The following TYW1B variants were observed in gnomAD, a reference collection of about 807,000 sequenced individuals.
TYW1B encodes the protein tRNA-yW synthesizing protein 1 homolog B.
In TYW1B, 73 loss-of-function variants were observed where a neutral mutation model predicts 86.9. That is an observed-to-expected ratio of 0.84 (90% confidence interval 0.70 to 1.02). TYW1B has a LOEUF of 1.02. Among genes scored for constraint, TYW1B ranks in the 50% least tolerant of loss-of-function variants. TYW1B has a pLI of 0.00. For synonymous variants in TYW1B, 248 were observed against 292.8 expected (o/e 0.85, Z 1.56); for missense variants, 637 against 827.4 (o/e 0.77, Z 2.82).
intron 6 of TYW1B, among the ~76,000 whole-genome samples, chr7:72,796,538 C>G (rs1450009774): frequency 6.6e-6 from 1 of 151,610 alleles, no homozygotes; most frequent in African/African-American, 2.4e-5. Context: ...GCCAGGCCAA[C>G]TAATTTTTTT....
chr7:72,581,249 G>T (rs1811143654), intron 13 of TYW1B, among the ~76,000 whole-genome samples: 2 of 136,054 alleles, frequency 1.5e-5, no homozygotes, highest in Admixed American at 1.6e-4. Flanking sequence ...TGAGAGCAGG[G>T]CTGCCATAAT....
chr7:72,579,809 C>T (rs1554429347), intron 13 of TYW1B, among the ~76,000 whole-genome samples: 2 of 152,090 alleles, frequency 1.3e-5, no homozygotes, highest in African/African-American at 4.8e-5. Flanking sequence ...TGTCACCATG[C>T]CCAACTAATT....
chr7:72,687,234 G>A (rs782601124), intron 11 of TYW1B, among the ~76,000 whole-genome samples: 5 of 152,090 alleles, frequency 3.3e-5, no homozygotes, highest in African/African-American at 1.2e-4. Context: ...TCAGGAGTTC[G>A]AGATCAGCCT....
chr7:72,745,206 T>C (rs1219678133), intron 7 of TYW1B, among the ~76,000 whole-genome samples: 1 of 152,066 alleles, frequency 6.6e-6, no homozygotes, highest in Non-Finnish European at 1.5e-5. Context: ...TAATTTTTTG[T>C]AGAGATGAGG....
At chr7:72,798,798 G>C (rs1425490759) in intron 6 of TYW1B, among the ~76,000 whole-genome samples, 1 of 152,192 alleles carries the variant, frequency 6.6e-6, no homozygotes, top group African/African-American at 2.4e-5. Context: ...CAGCTTTGGA[G>C]TTTTGTTATT....
intron 8 of TYW1B, among the ~76,000 whole-genome samples, chr7:72,738,077 T>C (rs550656331): frequency 1.2e-4 from 10 of 81,784 alleles, no homozygotes; most frequent in African/African-American, 4.2e-4. Flanking sequence ...CCTGGCCATA[T>C]TTCTTTCTTT....
At chr7:72,720,985 G>C (rs1295068390) in intron 9 of TYW1B, among the ~76,000 whole-genome samples, 1 of 145,064 alleles carries the variant, frequency 6.9e-6, no homozygotes, top group Non-Finnish European at 1.5e-5. Flanking sequence ...ACCTATGAGT[G>C]AGAACATGCG....
At chr7:72,668,268 T>C (rs1325116131) in intron 11 of TYW1B, among the ~76,000 whole-genome samples, 2 of 152,364 alleles carry the variant, frequency 1.3e-5, no homozygotes, top group African/African-American at 2.4e-5. Context: ...TACACTATTA[T>C]AGATGTTTTT....
At chr7:72,718,785 C>T (rs1410612782) in intron 9 of TYW1B, among the ~76,000 whole-genome samples, 1 of 152,000 alleles carries the variant, frequency 6.6e-6, no homozygotes. Context: ...AACTATAATC[C>T]CCACCATGAG....
intron 6 of TYW1B, among the ~76,000 whole-genome samples, chr7:72,797,979 G>A (rs568754644): frequency 7.3e-5 from 11 of 150,598 alleles, no homozygotes; most frequent in African/African-American, 2.2e-4. Context: ...GTCTTTCAGT[G>A]AACCCAGCTA....
chr7:72,787,552 C>G (rs1271568381), intron 6 of TYW1B, among the ~76,000 whole-genome samples: 1 of 151,616 alleles, frequency 6.6e-6, no homozygotes, highest in Non-Finnish European at 1.5e-5. Context: ...GTCAGTGGAT[C>G]ACAAGGTCAA....
intron 6 of TYW1B, among the ~76,000 whole-genome samples, chr7:72,783,699 G>A (rs749448877): frequency 2.0e-5 from 3 of 152,252 alleles, no homozygotes; most frequent in South Asian, 2.1e-4. Context: ...GAAAAGCAGC[G>A]TGCCCAAGCA....
intron 12 of TYW1B, among the ~76,000 whole-genome samples, chr7:72,622,339 G>A (rs184575265): frequency 7.9e-5 from 12 of 152,282 alleles, no homozygotes; most frequent in East Asian, 3.9e-4. Flanking sequence ...TATTGATTTC[G>A]TTTAAATAAA....
At chr7:72,625,036 G>T (rs1327870599) in intron 12 of TYW1B, among the ~76,000 whole-genome samples, 2 of 149,890 alleles carry the variant, frequency 1.3e-5, no homozygotes, top group Non-Finnish European at 3.0e-5. Flanking sequence ...TCCAGCCTGG[G>T]AGACAGAGTA....
intron 8 of TYW1B, among the ~76,000 whole-genome samples, chr7:72,738,515 G>T (rs554207372): frequency 1.3e-5 from 2 of 152,028 alleles, no homozygotes; most frequent in Non-Finnish European, 2.9e-5. Flanking sequence ...CCTTTGTTGC[G>T]GAGCACTGTC....
intron 11 of TYW1B, among the ~76,000 whole-genome samples, chr7:72,678,617 C>T (rs1813792524): frequency 8.2e-6 from 1 of 122,494 alleles, no homozygotes; most frequent in Non-Finnish European, 1.7e-5. Flanking sequence ...GTAATTCCAG[C>T]ACTTTTTTTT....
At chr7:72,600,105 C>T (rs1811626121) in intron 13 of TYW1B, among the ~76,000 whole-genome samples, 1 of 152,148 alleles carries the variant, frequency 6.6e-6, no homozygotes, top group Admixed American at 6.5e-5. Flanking sequence ...AGTGACACTA[C>T]TCAGCTTCAA....
At chr7:72,642,223 C>G (rs1812817809) in intron 11 of TYW1B, among the ~76,000 whole-genome samples, 1 of 152,148 alleles carries the variant, frequency 6.6e-6, no homozygotes, top group Non-Finnish European at 1.5e-5. Flanking sequence ...CAAAACTGCT[C>G]AAAGAGCTAA....
intron 13 of TYW1B, among the ~76,000 whole-genome samples, chr7:72,600,011 T>C (rs868936569): frequency 9.9e-5 from 15 of 152,112 alleles, no homozygotes; most frequent in South Asian, 2.1e-4. Flanking sequence ...TTTGTAGACA[T>C]TGACAAACTG....
Sources: allele counts gnomAD v4.1 joint callset (sites outside exome capture counted in the v4.1 genomes callset), GRCh38; gene constraint gnomAD v4.1.1; transcripts MANE v1.5; gene names NCBI Gene and HGNC (gene_info 2026-07-23, HGNC 2026-07-21).